Variants in KCNB2 observed in about 807,000 individuals in gnomAD.
KCNB2 encodes potassium voltage-gated channel subfamily B member 2, also known as delayed rectifier potassium channel protein.
A neutral mutation model predicts 61.5 loss-of-function variants in KCNB2; 15 were observed. That is an observed-to-expected ratio of 0.24 (90% CI 0.16 to 0.38). The LOEUF (loss-of-function observed/expected upper bound fraction) is 0.38, where lower values mean the gene tolerates loss of function less well. KCNB2 is among the 10% of genes least tolerant of loss of function. The probability of loss-of-function intolerance (pLI) is 1.00; values close to 1 mark genes in which losing one functional copy is unlikely to be tolerated. For missense variants in KCNB2, 828 were observed against 1,125.2 expected, an observed-to-expected ratio of 0.74 and a Z score of 3.78; for synonymous variants, 457 against 446.0, an observed-to-expected ratio of 1.02 and a Z score of -0.31.
intron 2 of KCNB2, among the ~76,000 whole-genome samples, chr8:72,867,776 A>G (rs7816119): frequency 0.19 from 29,015 of 152,152 alleles, 3,025 homozygotes; most frequent in Non-Finnish European, 0.24. Flanking sequence ...CAGTGACAGC[A>G]GCCCTATTTC....
At chr8:72,849,661 T>C (rs1304188693) in intron 2 of KCNB2, among the ~76,000 whole-genome samples, 1 of 152,200 alleles carries the variant, frequency 6.6e-6, no homozygotes, top group Non-Finnish European at 1.5e-5. Context: ...ACTTTTAAAG[T>C]GAGAAAGTTA....
chr8:72,842,372 C>A (rs923486551), intron 2 of KCNB2, among the ~76,000 whole-genome samples: 3 of 152,174 alleles, frequency 2.0e-5, no homozygotes, highest in Non-Finnish European at 4.4e-5. Flanking sequence ...CAATGTTCAT[C>A]AGGGATATTG....
intron 1 of KCNB2, among the ~76,000 whole-genome samples, chr8:72,561,706 T>TAC (rs1806517748): frequency 9.7e-5 from 2 of 20,642 alleles, no homozygotes; most frequent in Non-Finnish European, 1.4e-4. Context: ...TATATATATA[T>TAC]ATATATATAT....
At chr8:72,758,180 A>G (rs1808321167) in intron 2 of KCNB2, among the ~76,000 whole-genome samples, 2 of 152,348 alleles carry the variant, frequency 1.3e-5, no homozygotes, top group Middle Eastern at 3.4e-3. Flanking sequence ...AGAAAGGAAC[A>G]GTTCTGGAAC....
intron 2 of KCNB2, among the ~76,000 whole-genome samples, chr8:72,722,852 C>T (rs1807574189): frequency 6.6e-6 from 1 of 152,262 alleles, no homozygotes; most frequent in East Asian, 1.9e-4. Flanking sequence ...TATTTAGTGC[C>T]TGCTATGGAG....
intron 2 of KCNB2, among the ~76,000 whole-genome samples, chr8:72,713,474 C>G (rs2439340): frequency 6.6e-6 from 1 of 151,950 alleles, no homozygotes; most frequent in Admixed American, 6.6e-5. Context: ...TCCAGAGAAA[C>G]GATCAGGCAG....
intron 2 of KCNB2, among the ~76,000 whole-genome samples, chr8:72,860,142 A>C (rs1810276375): frequency 6.6e-6 from 1 of 152,202 alleles, no homozygotes; most frequent in African/African-American, 2.4e-5. Context: ...TACTGAGGTC[A>C]ACATTTACGT....
At chr8:72,595,442 C>A (rs1807173947) in intron 2 of KCNB2, among the ~76,000 whole-genome samples, 1 of 151,668 alleles carries the variant, frequency 6.6e-6, no homozygotes, top group South Asian at 2.1e-4. Flanking sequence ...TCTTCTGCCT[C>A]AGCCTCCTGA....
intron 2 of KCNB2, among the ~76,000 whole-genome samples, chr8:72,796,504 T>C (rs1011936131): frequency 5.3e-5 from 8 of 152,206 alleles, no homozygotes; most frequent in African/African-American, 1.9e-4. Context: ...GACTTTTAGA[T>C]GGTTTCAGAA....
chr8:72,747,578 C>G (rs963118521), intron 2 of KCNB2, among the ~76,000 whole-genome samples: 1 of 152,104 alleles, frequency 6.6e-6, no homozygotes, highest in African/African-American at 2.4e-5. Flanking sequence ...TTGGATCTCT[C>G]ACAAGAAAGA....
intron 2 of KCNB2, among the ~76,000 whole-genome samples, chr8:72,672,122 A>G (rs1002849720): frequency 2.6e-5 from 4 of 152,204 alleles, no homozygotes; most frequent in African/African-American, 9.6e-5. Flanking sequence ...CAATTCATTC[A>G]AATGTAGTGG....
chr8:72,763,445 G>T (rs1323136349), intron 2 of KCNB2, among the ~76,000 whole-genome samples: 1 of 152,112 alleles, frequency 6.6e-6, no homozygotes, highest in East Asian at 1.9e-4. Flanking sequence ...AAAATCCAGT[G>T]TCTAGATGGG....
intron 2 of KCNB2, among the ~76,000 whole-genome samples, chr8:72,857,476 G>T (rs1037977487): frequency 6.6e-6 from 1 of 152,094 alleles, no homozygotes; most frequent in Non-Finnish European, 1.5e-5. Flanking sequence ...GACTAAAATG[G>T]CAGTTAGTGA....
rs772900198 is a variant in KCNB2 at position 72,937,639 on chromosome 8, T to A, written c.2284T>A (p.Ser762Thr). Residue 762 changes from serine (S) to threonine (T), a missense_variant, in exon 3 of 3, where the codon TCC becomes ACC. Around this residue, in one of 4 missense-constraint regions of KCNB2, gnomAD observed 559 missense variants for 588.4 expected, o/e 0.95. Transcript: ENST00000523207. ...TACCATCCTCTTAGAAGAAACCCCC[T>A]CCCAGGGAGACAGACCCTTGCTGGG... is the stretch of plus-strand genomic sequence containing the variant. ...ISTILLEETP[S>T]QGDRPLLGTE... is the part of the protein sequence containing the mutation. 2 of 1,614,000 alleles carry A rather than the reference T, an allele frequency of 1.2e-6. No individual in the cohort carries two copies. The highest frequency in any genetic ancestry group is 1.7e-6 in the Non-Finnish European group (2 of 1,179,988).
At chr8:72,788,692 T>C (rs1363972950) in intron 2 of KCNB2, among the ~76,000 whole-genome samples, 1 of 152,114 alleles carries the variant, frequency 6.6e-6, no homozygotes, top group Non-Finnish European at 1.5e-5. Context: ...GTGATCCAAA[T>C]TGAAGAGAAT....
intron 2 of KCNB2, among the ~76,000 whole-genome samples, chr8:72,658,713 T>G (rs1806332296): frequency 6.6e-6 from 1 of 152,130 alleles, no homozygotes; most frequent in Non-Finnish European, 1.5e-5. Context: ...GCTGGTGACT[T>G]TTTAAGTTGA....
chr8:72,671,900 T>A (rs976361734), intron 2 of KCNB2, among the ~76,000 whole-genome samples: 1 of 152,212 alleles, frequency 6.6e-6, no homozygotes, highest in Admixed American at 6.5e-5. Flanking sequence ...GTTGTAACTG[T>A]CCTGGGTTGT....
intron 2 of KCNB2, among the ~76,000 whole-genome samples, chr8:72,928,215 C>CA (rs1372632956): frequency 1.5e-5 from 2 of 135,758 alleles, no homozygotes; most frequent in Admixed American, 7.6e-5. Flanking sequence ...TTTTTTGAGA[C>CA]AGAGTCTTCT....
intron 2 of KCNB2, among the ~76,000 whole-genome samples, chr8:72,853,950 CCCT>C (rs1372261977): frequency 6.6e-6 from 1 of 152,194 alleles, no homozygotes; most frequent in Non-Finnish European, 1.5e-5. Flanking sequence ...TTCTTATCTA[CCCT>C]CCTCACTATC....
Sources: gnomAD v4.1 joint callset for allele counts (sites outside exome capture counted in the v4.1 genomes callset) on GRCh38, gnomAD v4.1.1 for gene constraint, gnomAD v4.1.1 regional missense constraint, MANE v1.5 for transcripts, NCBI Gene and HGNC (gene_info 2026-07-23, HGNC 2026-07-21) for gene names.